Variants in RTN4RL1 observed in about 807,000 individuals in gnomAD.
RTN4RL1 encodes reticulon 4 receptor like 1, also known as reticulon-4 receptor-like 1.
RTN4RL1 carries 7 observed loss-of-function variants against 25.6 expected under a neutral mutation model. The ratio of observed to expected loss-of-function variants is 0.27; its 90% confidence interval spans 0.16 to 0.51. The LOEUF (loss-of-function observed/expected upper bound fraction) is 0.51, where lower values mean the gene tolerates loss of function less well. Among genes scored for constraint, RTN4RL1 ranks in the 20% least tolerant of loss-of-function variants. The pLI is 0.97. For missense variants in RTN4RL1, 500 were observed against 615.6 expected (o/e 0.81, Z 1.99); for synonymous variants, 297 against 288.2 (o/e 1.03, Z -0.31).
intron 1 of RTN4RL1, among the ~76,000 whole-genome samples, chr17:2,015,075 A>C (rs780679165): frequency 5.3e-5 from 8 of 152,152 alleles, no homozygotes; most frequent in African/African-American, 9.7e-5. Flanking sequence ...CAGCAAAGGC[A>C]AGACAGGAGG....
At chr17:1,987,554 G>C (rs971257233) in intron 1 of RTN4RL1, among the ~76,000 whole-genome samples, 1 of 152,160 alleles carries the variant, frequency 6.6e-6, no homozygotes, top group African/African-American at 2.4e-5. Flanking sequence ...TTCCCGCTCT[G>C]TCCCAGTGGT....
chr17:2,011,216 A>C (rs2067045699), intron 1 of RTN4RL1, among the ~76,000 whole-genome samples: 1 of 152,154 alleles, frequency 6.6e-6, no homozygotes, highest in Non-Finnish European at 1.5e-5. Flanking sequence ...GCGCCATTGC[A>C]CTCCAGCCTG....
At position 1,936,431 on chromosome 17, in the gene RTN4RL1, A is replaced by T; in HGVS notation, c.*65T>A. ...AGCAGATCTTCCACTTGTTAAAAAAAGAAGAAAATAAATTCTGTTCCTTGG... is the reference window on the plus strand; with the variant it reads ...AGCAGATCTTCCACTTGTTAAAAAATGAAGAAAATAAATTCTGTTCCTTGG... On this transcript the variant is annotated 3_prime_UTR_variant, in exon 2 of 2. Transcript: ENST00000331238. 1 of 1,469,116 alleles carries T rather than the reference A, an allele frequency of 6.8e-7. No homozygotes were observed. The highest frequency in any genetic ancestry group is 9.0e-7 in the Non-Finnish European group (1 of 1,116,454). The allele number at this position is 1,469,116 out of a possible 1,614,324, so 91.0% of individuals were successfully genotyped here.
At chr17:1,951,737 G>C (rs1418536719) in intron 1 of RTN4RL1, among the ~76,000 whole-genome samples, 1 of 152,180 alleles carries the variant, frequency 6.6e-6, no homozygotes, top group East Asian at 1.9e-4. Context: ...ACAGGCGTGA[G>C]CCACCGCGCC....
At chr17:1,942,648 G>A (rs1915462791) in intron 1 of RTN4RL1, among the ~76,000 whole-genome samples, 1 of 152,144 alleles carries the variant, frequency 6.6e-6, no homozygotes, top group African/African-American at 2.4e-5. Flanking sequence ...GAGGCAAGGA[G>A]AGCTGTGTTG....
rs1265961444 is a variant in RTN4RL1 at position 1,948,788 on chromosome 17, GTTTTC to G, written c.14-10985_14-10981del. ...GGAGGGCGTGGGGTGGGGACCTACTGTTTTCTTTTCTTTTTCTTTTTTTTTTTTGA... is the reference window on the plus strand; with the variant it reads ...GGAGGGCGTGGGGTGGGGACCTACTGTTTTCTTTTTCTTTTTTTTTTTTGA... On this transcript the variant is annotated intron_variant, in intron 1 of 1. Coordinates refer to ENST00000331238, the MANE Select transcript of RTN4RL1 (RefSeq NM_178568.4). 5.3e-5 allele frequency among the ~76,000 whole-genome samples: 8 copies of G among 151,948 alleles called. No homozygotes were observed. The South Asian group carries it at 1.5e-3, about 28-fold the overall frequency.
In RTN4RL1 at chr17:1,950,846, CAAAAA is replaced by C. The variant is rs61660812; in HGVS notation, c.14-13043_14-13039del. Among the ~76,000 whole-genome samples the C allele has an allele frequency of 9.7e-3, 172 of 17,762 alleles. 2 individuals carry two copies. Among genetic ancestry groups the C allele is most frequent in the African/African-American group, 0.026 (164 of 6,198 alleles). The allele number at this position is 17,762 out of a possible 152,430, so 11.7% of individuals were successfully genotyped here. ...GGGCGACAGAGTGAGACACAGTCTC[CAAAAA>C]AAAAAAAAAAAAAAAAAAAAAAAGG... is the stretch of plus-strand genomic sequence containing the variant. On this transcript the variant is annotated intron_variant, in intron 1 of 1. Coordinates refer to ENST00000331238, the MANE Select transcript of RTN4RL1 (RefSeq NM_178568.4).
intron 1 of RTN4RL1, among the ~76,000 whole-genome samples, chr17:1,977,801 GAT>G (rs762027466): frequency 6.6e-6 from 1 of 152,166 alleles, no homozygotes; most frequent in Non-Finnish European, 1.5e-5. Flanking sequence ...GCAGGTGTGT[GAT>G]AGGGCGAGCG....
At chr17:1,939,601 T>C (rs531286894) in intron 1 of RTN4RL1, among the ~76,000 whole-genome samples, 1 of 152,254 alleles carries the variant, frequency 6.6e-6, no homozygotes, top group East Asian at 1.9e-4. Context: ...TCCAGAGCGT[T>C]TCCTCTGTAG....
chr17:1,982,469 G>A (rs2066871399), intron 1 of RTN4RL1, among the ~76,000 whole-genome samples: 1 of 151,950 alleles, frequency 6.6e-6, no homozygotes, highest in South Asian at 2.1e-4. Context: ...AAAAAAATTA[G>A]CCAGGCATGG....
At chr17:1,964,979 G>A (rs1420509760) in intron 1 of RTN4RL1, among the ~76,000 whole-genome samples, 1 of 111,818 alleles carries the variant, frequency 8.9e-6, no homozygotes, top group Non-Finnish European at 2.1e-5. Context: ...AGTAGAGACA[G>A]GGTTTCACCA....
At chr17:1,974,576 C>G (rs2066834729) in intron 1 of RTN4RL1, among the ~76,000 whole-genome samples, 2 of 152,100 alleles carry the variant, frequency 1.3e-5, no homozygotes, top group African/African-American at 4.8e-5. Context: ...AAATAACAGG[C>G]AAGAACCCAC....
At chr17:2,022,743 G>A (rs1386662026) in intron 1 of RTN4RL1, among the ~76,000 whole-genome samples, 1 of 152,266 alleles carries the variant, frequency 6.6e-6, no homozygotes, top group African/African-American at 2.4e-5. Flanking sequence ...GCCCAGCCCA[G>A]TGAAGGGCTT....
chr17:1,986,372 GC>G (rs201008303), intron 1 of RTN4RL1, among the ~76,000 whole-genome samples: 1 of 152,116 alleles, frequency 6.6e-6, no homozygotes, highest in South Asian at 2.1e-4. Flanking sequence ...TTGAATGGTG[GC>G]CCCCCAAAAG....
intron 1 of RTN4RL1, among the ~76,000 whole-genome samples, chr17:1,999,857 C>T (rs1346894674): frequency 2.6e-5 from 4 of 152,264 alleles, no homozygotes; most frequent in East Asian, 1.9e-4. Flanking sequence ...TCCGGCCTCA[C>T]GGCCTTGCCT....
chr17:2,025,014 C>T lies in RTN4RL1; in HGVS notation c.-149G>A. 1.3e-6 allele frequency: 1 copy of T among 768,072 alleles called. No individual in the cohort carries two copies. The highest frequency in any genetic ancestry group is 2.0e-6 in the Non-Finnish European group (1 of 497,282). The allele number at this position is 768,072 out of a possible 1,614,324, so 47.6% of individuals were successfully genotyped here. On this transcript the variant is annotated 5_prime_UTR_variant, in exon 1 of 2. Transcript: ENST00000331238. The surrounding 1 kb of genome is among the most constrained non-coding windows in gnomAD (Gnocchi z 4.8). ...TCCGCTCGTGCCCGGTGGCCCGGCC[C>T]CGCAGGGGCATGGTGAGCTCCAGCC...
At chr17:2,024,243 C>T (rs943970504) in intron 1 of RTN4RL1, among the ~76,000 whole-genome samples, 7 of 152,196 alleles carry the variant, frequency 4.6e-5, no homozygotes, top group African/African-American at 7.2e-5. Context: ...TTTCGCGTCC[C>T]TCCGCTCCCA....
chr17:1,957,765 A>T (rs543030255), intron 1 of RTN4RL1, among the ~76,000 whole-genome samples: 2 of 152,008 alleles, frequency 1.3e-5, no homozygotes, highest in East Asian at 3.9e-4. Flanking sequence ...AATCGCTTGA[A>T]CCCAGGAGGT....
At chr17:1,945,465 C>T (rs1420809085) in intron 1 of RTN4RL1, among the ~76,000 whole-genome samples, 1 of 152,148 alleles carries the variant, frequency 6.6e-6, no homozygotes, top group Non-Finnish European at 1.5e-5. Context: ...TCTTGATCCA[C>T]CGCCTTGGCC....
Sources: allele counts gnomAD v4.1 joint callset (sites outside exome capture counted in the v4.1 genomes callset), GRCh38; gene constraint gnomAD v4.1.1; non-coding constraint Gnocchi (gnomAD v3.1); transcripts MANE v1.5; gene names NCBI Gene and HGNC (gene_info 2026-07-23, HGNC 2026-07-21).